Variants in LRRC1 observed in about 807,000 individuals in gnomAD.
The protein encoded by LRRC1 is leucine rich repeat containing 1, also known as leucine-rich repeat-containing protein 1.
In LRRC1, 28 loss-of-function variants were observed where a neutral mutation model predicts 69.9. The observed-to-expected ratio is 0.40, with a 90% confidence interval of 0.30 to 0.55. LRRC1 has a LOEUF of 0.55. Among genes scored for constraint, LRRC1 ranks in the 20% least tolerant of loss-of-function variants. The pLI is 0.47. For missense variants in LRRC1, 498 were observed against 609.0 expected, an observed-to-expected ratio of 0.82 and a Z score of 1.92; for synonymous variants, 236 against 240.2, an observed-to-expected ratio of 0.98 and a Z score of 0.16.
intron 1 of LRRC1, among the ~76,000 whole-genome samples, chr6:53,840,878 A>C (rs866114677): frequency 7.1e-5 from 6 of 84,260 alleles, no homozygotes; most frequent in African/African-American, 1.4e-4. Flanking sequence ...GTGGGGGGGT[A>C]TGTGTTTGTG....
intron 3 of LRRC1, among the ~76,000 whole-genome samples, chr6:53,879,649 A>C (rs1362981356): frequency 1.3e-5 from 2 of 152,124 alleles, no homozygotes; most frequent in African/African-American, 2.4e-5. Flanking sequence ...AAAAAAACCC[A>C]AAAAACCCAT....
chr6:53,861,450 TA>T (rs1766516302), intron 2 of LRRC1, among the ~76,000 whole-genome samples: 1 of 150,372 alleles, frequency 6.7e-6, no homozygotes, highest in Non-Finnish European at 1.5e-5. Context: ...AGTGCTGGGT[TA>T]AAGTGTAAAT....
chr6:53,821,141 T>C (rs1218053270), intron 1 of LRRC1, among the ~76,000 whole-genome samples: 1 of 152,250 alleles, frequency 6.6e-6, no homozygotes, highest in Admixed American at 6.5e-5. Flanking sequence ...CAGGGTTCAC[T>C]GTTCAGCTCT....
chr6:53,855,724 C>T (rs1025297222), intron 2 of LRRC1, among the ~76,000 whole-genome samples: 1 of 152,322 alleles, frequency 6.6e-6, no homozygotes, highest in South Asian at 2.1e-4. Context: ...TGTGCTTTAT[C>T]ACAATCACAG....
Position 53,852,421 on chromosome 6 carries a change from C to T in LRRC1, c.277+10194C>T, listed in dbSNP as rs560762842. ...GGATAGAGTGATACAAGTGAGGTTT[C>T]GGCTCAAGACAACTTCTAGATACTG... On this transcript the variant is annotated intron_variant, in intron 2 of 13. Transcript: ENST00000370888. 2.0e-5 allele frequency among the ~76,000 whole-genome samples: 3 copies of T among 152,244 alleles called. No homozygotes were observed. The South Asian group carries it at 6.2e-4, about 32-fold the overall frequency.
At chr6:53,896,623 T>C in intron 5 of LRRC1, 69 bp downstream of exon 5, 1 of 1,385,924 alleles carries the variant, frequency 7.2e-7, no homozygotes, top group South Asian at 1.2e-5. Context: ...AAAACAGGAC[T>C]ACAGTATTAC....
chr6:53,914,083 A>AT (rs961362196), intron 11 of LRRC1, 114 bp downstream of exon 11: 1 of 683,410 alleles, frequency 1.5e-6, no homozygotes, highest in Admixed American at 2.5e-5. Flanking sequence ...TATAATCCTG[A>AT]TTTTTCAAAT....
rs150577862 is a variant in LRRC1 at position 53,869,629 on chromosome 6, C to T, written c.278-9364C>T. Among the ~76,000 whole-genome samples, 423 of 152,270 alleles carry T rather than the reference C, an allele frequency of 2.8e-3. 3 individuals are homozygous for T. The highest frequency in any genetic ancestry group is 9.5e-3 in the African/African-American group (396 of 41,558). On this transcript the variant is annotated intron_variant, in intron 2 of 13. Transcript: ENST00000370888. ...CCATTCCTTCAGGACCTATGGACTG[C>T]GTACAATATGCTTGATACTGTGTGG...
intron 13 of LRRC1, among the ~76,000 whole-genome samples, chr6:53,921,364 CTTT>C (rs373096570): frequency 9.9e-5 from 15 of 151,528 alleles, no homozygotes; most frequent in Non-Finnish European, 2.2e-4. Context: ...CATGGAGAAA[CTTT>C]TTTTTTAATT....
intron 1 of LRRC1, among the ~76,000 whole-genome samples, chr6:53,805,749 T>C (rs1320696116): frequency 6.6e-6 from 1 of 152,236 alleles, no homozygotes; most frequent in Non-Finnish European, 1.5e-5. Context: ...ATCATTGTTA[T>C]CAATACTGAC....
chr6:53,806,953 T>A (rs1334015783), intron 1 of LRRC1, among the ~76,000 whole-genome samples: 3 of 152,240 alleles, frequency 2.0e-5, no homozygotes, highest in Non-Finnish European at 2.9e-5. Flanking sequence ...TGAATTTGGC[T>A]GGGATCTTTT....
intron 2 of LRRC1, among the ~76,000 whole-genome samples, chr6:53,871,749 C>T (rs1217898226): frequency 1.3e-5 from 2 of 152,152 alleles, no homozygotes; most frequent in Non-Finnish European, 2.9e-5. Flanking sequence ...CTCACTGCAA[C>T]CTCTGCCTCC....
In LRRC1 at chr6:53,836,439, G is replaced by A. The variant is rs75085665; in HGVS notation, c.160-5671G>A. Among the ~76,000 whole-genome samples the A allele has an allele frequency of 8.3e-3, 1,264 of 152,232 alleles. 14 individuals are homozygous for A. The highest frequency in any genetic ancestry group is 0.028 in the African/African-American group (1,153 of 41,536). ...TGTTTGGCTTACTGCCAAACATATA[G>A]TGTCCCTCAGTAGAGGTTAACTGCT... On this transcript the variant is annotated intron_variant, in intron 1 of 13. Coordinates refer to ENST00000370888, the MANE Select transcript of LRRC1 (RefSeq NM_018214.5).
At position 53,896,910 on chromosome 6, in the gene LRRC1, A is replaced by T; in HGVS notation, c.567+18A>T. 6.7e-7 allele frequency: 1 copy of T among 1,485,158 alleles called. No individual in the cohort carries two copies. Among genetic ancestry groups the T allele is most frequent in the South Asian group, 1.2e-5 (1 of 86,860 alleles). The allele number at this position is 1,485,158 out of a possible 1,614,324, so 92.0% of individuals were successfully genotyped here. A position where few individuals can be genotyped will look rare whatever the true frequency, so the allele number is the denominator to read the frequency against. ...ATAATTTGGTAAGTCCGTATTAGAG[A>T]TTTGAATTTAACTTTGTTTTTAGTT... On this transcript the variant is annotated intron_variant, in intron 6 of 13. Transcript: ENST00000370888.
intron 2 of LRRC1, among the ~76,000 whole-genome samples, chr6:53,866,517 G>A (rs73430295): frequency 0.017 from 2,567 of 152,270 alleles, 98 homozygotes; most frequent in African/African-American, 0.059. Flanking sequence ...CAGCTAGTGG[G>A]AAAGTTATTG....
rs1363137573 is a variant in LRRC1 at position 53,905,810 on chromosome 6, T to C, written c.990+1348T>C. On this transcript the variant is annotated intron_variant, in intron 10 of 13. Transcript: ENST00000370888. ...ATAAACATGATCATATTCTGAAACA[T>C]CCTTAATATGAACACTGTCATCTAA... 3.3e-5 allele frequency among the ~76,000 whole-genome samples: 5 copies of C among 152,218 alleles called. No homozygotes were observed. In the East Asian group the frequency reaches 9.6e-4, roughly 29 times the overall value.
chr6:53,891,705 G>A (rs1358651965), intron 4 of LRRC1, among the ~76,000 whole-genome samples: 3 of 152,154 alleles, frequency 2.0e-5, no homozygotes, highest in African/African-American at 4.8e-5. Context: ...TAAATTGGCC[G>A]GGTGTGATGG....
At chr6:53,869,358 G>C (rs1043999494) in intron 2 of LRRC1, among the ~76,000 whole-genome samples, 6 of 152,192 alleles carry the variant, frequency 3.9e-5, no homozygotes, top group Admixed American at 1.3e-4. Context: ...ATTGTGGTCA[G>C]GCTAGACCTC....
chr6:53,918,505 A>G (rs933183381), intron 11 of LRRC1, among the ~76,000 whole-genome samples: 2 of 152,068 alleles, frequency 1.3e-5, no homozygotes, highest in Admixed American at 1.3e-4. Flanking sequence ...TATGCCTACC[A>G]TTTACTCTGA....
Sources: gnomAD v4.1 joint callset for allele counts (sites outside exome capture counted in the v4.1 genomes callset) on GRCh38, gnomAD v4.1.1 for gene constraint, MANE v1.5 for transcripts, NCBI Gene and HGNC (gene_info 2026-07-23, HGNC 2026-07-21) for gene names.